Variants in ADGRL3 observed in about 807,000 individuals in gnomAD.
The protein encoded by ADGRL3 is calcium-independent alpha-latrotoxin receptor 3.
ADGRL3 carries 62 observed loss-of-function variants against 153.5 expected under a neutral mutation model. The ratio of observed to expected loss-of-function variants is 0.40; its 90% CI spans 0.33 to 0.50. The LOEUF is 0.50. Ranked by LOEUF, ADGRL3 falls within the 20% of genes least tolerant of loss-of-function variation. ADGRL3 has a pLI of 0.47. For missense variants in ADGRL3, 1,641 were observed against 1,859.4 expected (o/e 0.88, Z 2.16); for synonymous variants, 710 against 672.5 (o/e 1.06, Z -0.86).
chr4:61,582,952 C>T (rs192075081), intron 4 of ADGRL3, among the ~76,000 whole-genome samples: 6 of 152,064 alleles, frequency 3.9e-5, no homozygotes, highest in Admixed American at 2.6e-4. Flanking sequence ...TGATTTTAGC[C>T]TATATTCTAC....
intron 9 of ADGRL3, among the ~76,000 whole-genome samples, chr4:61,830,302 T>G (rs1329977933): frequency 6.6e-6 from 1 of 152,148 alleles, no homozygotes; most frequent in Admixed American, 6.5e-5. Context: ...GAAGGTGAGC[T>G]GCAGTGAGCT....
chr4:61,980,474 C>G (rs982235014), intron 18 of ADGRL3, among the ~76,000 whole-genome samples: 1 of 151,774 alleles, frequency 6.6e-6, no homozygotes, highest in Non-Finnish European at 1.5e-5. Flanking sequence ...AGGTCTCACT[C>G]TGTCATTCAC....
chr4:61,328,802 G>A (rs769182389), intron 1 of ADGRL3, among the ~76,000 whole-genome samples: 6 of 151,990 alleles, frequency 3.9e-5, no homozygotes, highest in Non-Finnish European at 8.8e-5. Context: ...ATTTGGTTTC[G>A]TTTGTTTATT....
chr4:61,598,831 A>T (rs957573458), intron 5 of ADGRL3, among the ~76,000 whole-genome samples: 3 of 152,056 alleles, frequency 2.0e-5, no homozygotes, highest in Non-Finnish European at 4.4e-5. Context: ...TCCATTTTTT[A>T]TTTAAAATTT....
intron 9 of ADGRL3, among the ~76,000 whole-genome samples, chr4:61,883,140 T>A (rs369887141): frequency 2.6e-5 from 4 of 152,050 alleles, no homozygotes; most frequent in African/African-American, 9.6e-5. Flanking sequence ...AACAAAAAAA[T>A]TTGCAAGTCG....
chr4:61,760,628 G>T (rs1363874793), intron 8 of ADGRL3, among the ~76,000 whole-genome samples: 1 of 152,190 alleles, frequency 6.6e-6, no homozygotes, highest in Non-Finnish European at 1.5e-5. Flanking sequence ...GCCTCGCCCT[G>T]CTTCGGCTCA....
At chr4:61,438,122 C>T (rs1181725501) in intron 2 of ADGRL3, among the ~76,000 whole-genome samples, 1 of 152,066 alleles carries the variant, frequency 6.6e-6, no homozygotes, top group African/African-American at 2.4e-5. Flanking sequence ...CATTGTATTA[C>T]TCATTTCTGT....
In ADGRL3 at chr4:62,031,416, C is replaced by T. The variant is rs200481745; in HGVS notation, c.3423-26C>T. ...TAATTAAAGATCAATTATTTAATAACCCTTAATTTTCTCTTCTCTCTACAG... is the reference window on the plus strand; with the variant it reads ...TAATTAAAGATCAATTATTTAATAATCCTTAATTTTCTCTTCTCTCTACAG... On this transcript the variant is annotated intron_variant, in intron 22 of 26. Transcript: ENST00000683033. 10 of 1,544,918 alleles carry T rather than the reference C, an allele frequency of 6.5e-6. No individual in the cohort carries two copies. In the Middle Eastern group the frequency reaches 5.2e-4, roughly 80 times the overall value.
intron 4 of ADGRL3, among the ~76,000 whole-genome samples, chr4:61,554,264 G>T (rs977682777): frequency 4.6e-5 from 7 of 151,288 alleles, no homozygotes; most frequent in Non-Finnish European, 1.0e-4. Flanking sequence ...CGCATTCTTG[G>T]CTCACTGCAA....
intron 17 of ADGRL3, among the ~76,000 whole-genome samples, chr4:61,977,374 G>C (rs538879588): frequency 6.6e-6 from 1 of 152,018 alleles, no homozygotes; most frequent in Non-Finnish European, 1.5e-5. Flanking sequence ...AGAGCAAATA[G>C]CCCTCTATTC....
At chr4:61,587,006 G>A (rs186747929) in intron 4 of ADGRL3, among the ~76,000 whole-genome samples, 1 of 152,108 alleles carries the variant, frequency 6.6e-6, no homozygotes, top group African/African-American at 2.4e-5. Flanking sequence ...GAAAAAAAGT[G>A]TGATAAAGAT....
At chr4:61,676,746 A>C in intron 5 of ADGRL3, 80 bp from the exon 6 acceptor site, 2 of 989,136 alleles carry the variant, frequency 2.0e-6, no homozygotes. Context: ...AACAGGAACT[A>C]AAATAAAATT....
intron 5 of ADGRL3, among the ~76,000 whole-genome samples, chr4:61,589,829 G>A (rs1039099894): frequency 3.3e-5 from 5 of 152,222 alleles, no homozygotes; most frequent in African/African-American, 1.2e-4. Flanking sequence ...GCATACTGAT[G>A]TGTAAATTAA....
chr4:61,264,888 A>T (rs151338465), intron 1 of ADGRL3, among the ~76,000 whole-genome samples: 69 of 152,070 alleles, frequency 4.5e-4, no homozygotes, highest in African/African-American at 1.6e-3. Flanking sequence ...AAGTACCAGT[A>T]CAAGCTAAGA....
At chr4:61,351,592 C>T (rs1219013801) in intron 1 of ADGRL3, among the ~76,000 whole-genome samples, 1 of 152,084 alleles carries the variant, frequency 6.6e-6, no homozygotes, top group Non-Finnish European at 1.5e-5. Context: ...TAAGTTAAGC[C>T]AGTGCTCACT....
At chr4:61,267,543 C>T (rs890950079) in intron 1 of ADGRL3, among the ~76,000 whole-genome samples, 6 of 151,722 alleles carry the variant, frequency 4.0e-5, no homozygotes, top group African/African-American at 1.4e-4. Flanking sequence ...TCCTAAAAAC[C>T]ACTCTCAACA....
In ADGRL3 at chr4:61,201,637, T is replaced by TG. The variant is rs1306964460; in HGVS notation, c.-363dup. On this transcript the variant is annotated 5_prime_UTR_variant, in exon 1 of 27. Transcript: ENST00000683033. ...ATTCTCGTTATTTGCCGCGTGTGGT[T>TG]GGGGGTGTCTGCACAGGGGCCGGCC... The TG allele has an allele frequency of 4.6e-5, 7 of 152,494 alleles. No homozygotes were observed. Among genetic ancestry groups the TG allele is most frequent in the Non-Finnish European group, 1.0e-4 (7 of 68,378 alleles). The allele number at this position is 152,494 out of a possible 1,614,324, so 9.4% of individuals were successfully genotyped here.
chr4:61,708,584 C>A (rs571978652), intron 6 of ADGRL3, among the ~76,000 whole-genome samples: 1 of 151,246 alleles, frequency 6.6e-6, no homozygotes, highest in East Asian at 1.9e-4. Context: ...GGTACATTTG[C>A]AGGATGTGTA....
intron 8 of ADGRL3, among the ~76,000 whole-genome samples, chr4:61,741,310 A>G (rs2096578399): frequency 6.6e-6 from 1 of 152,214 alleles, no homozygotes; most frequent in Admixed American, 6.5e-5. Context: ...CACTTGAGAT[A>G]CCACATTGTC....
Sources: gnomAD v4.1 joint callset for allele counts (sites outside exome capture counted in the v4.1 genomes callset) on GRCh38, gnomAD v4.1.1 for gene constraint, MANE v1.5 for transcripts, NCBI Gene and HGNC (gene_info 2026-07-23, HGNC 2026-07-21) for gene names.